RBMS3: variants seen among roughly 807,000 people sequenced by gnomAD.
RBMS3 encodes RNA binding motif single stranded interacting protein 3.
A neutral mutation model predicts 66.8 loss-of-function variants in RBMS3; 27 were observed. The ratio of observed to expected loss-of-function variants is 0.40; its 90% confidence interval spans 0.30 to 0.56. The LOEUF is 0.56. Among genes scored for constraint, RBMS3 ranks in the 20% least tolerant of loss-of-function variants. The pLI, the probability that RBMS3 is intolerant of heterozygous loss-of-function variation, is 0.40. For missense variants in RBMS3, 513 were observed against 549.5 expected, an observed-to-expected ratio of 0.93 and a Z score of 0.66; for synonymous variants, 188 against 183.0, an observed-to-expected ratio of 1.03 and a Z score of -0.22.
chr3:29,990,460 C>CAA (rs10596526), intron 13 of RBMS3, among the ~76,000 whole-genome samples: 105 of 106,496 alleles, frequency 9.9e-4, no homozygotes, highest in African/African-American at 2.1e-3. Context: ...CTGTGAGAAA[C>CAA]AAAAAAAAAA....
chr3:29,603,774 C>T (rs2048230083), intron 4 of RBMS3, among the ~76,000 whole-genome samples: 1 of 151,948 alleles, frequency 6.6e-6, no homozygotes, highest in African/African-American at 2.4e-5. Flanking sequence ...GTAATTATTA[C>T]CCATGGTAAA....
At chr3:29,865,066 G>C (rs1031670486) in intron 6 of RBMS3, among the ~76,000 whole-genome samples, 2 of 116,760 alleles carry the variant, frequency 1.7e-5, no homozygotes, top group Admixed American at 1.8e-4. Flanking sequence ...GGAAGGAAGA[G>C]AGAGACGAAG....
intron 5 of RBMS3, among the ~76,000 whole-genome samples, chr3:29,744,450 T>C (rs1011926568): frequency 1.3e-5 from 2 of 152,156 alleles, no homozygotes; most frequent in Non-Finnish European, 2.9e-5. Flanking sequence ...TCACAAATTG[T>C]TTCTTCCTCT....
At chr3:29,414,238 A>G (rs1279741438) in intron 1 of RBMS3, among the ~76,000 whole-genome samples, 3 of 152,214 alleles carry the variant, frequency 2.0e-5, no homozygotes, top group Non-Finnish European at 2.9e-5. Context: ...AATCAAATAA[A>G]GGGGAGCTAC....
intron 1 of RBMS3, among the ~76,000 whole-genome samples, chr3:29,349,862 A>G (rs936476366): frequency 1.3e-5 from 2 of 152,190 alleles, no homozygotes; most frequent in Admixed American, 6.6e-5. Context: ...TTTATTCATA[A>G]AAATATAGTT....
intron 4 of RBMS3, among the ~76,000 whole-genome samples, chr3:29,732,357 T>C (rs943233511): frequency 6.6e-6 from 1 of 152,216 alleles, no homozygotes; most frequent in African/African-American, 2.4e-5. Context: ...TTCATCTGAT[T>C]GGGTGAGGGC....
At chr3:29,680,151 A>G (rs2051427666) in intron 4 of RBMS3, among the ~76,000 whole-genome samples, 1 of 152,196 alleles carries the variant, frequency 6.6e-6, no homozygotes, top group African/African-American at 2.4e-5. Flanking sequence ...TGTCGATTTG[A>G]CAGAACAGTC....
chr3:29,751,565 G>T (rs2371814), intron 5 of RBMS3, among the ~76,000 whole-genome samples: 72,837 of 151,956 alleles, frequency 0.48, 18,209 homozygotes, highest in African/African-American at 0.62. Context: ...CCTCTACAAC[G>T]TGCTTAAAAT....
At chr3:29,521,879 GC>G (rs1474835982) in intron 3 of RBMS3, among the ~76,000 whole-genome samples, 1 of 152,172 alleles carries the variant, frequency 6.6e-6, no homozygotes, top group African/African-American at 2.4e-5. Flanking sequence ...TAAGGTTAAT[GC>G]AGCTGACCTT....
At chr3:29,691,837 G>A (rs1447967131) in intron 4 of RBMS3, among the ~76,000 whole-genome samples, 2 of 151,814 alleles carry the variant, frequency 1.3e-5, no homozygotes, top group South Asian at 2.1e-4. Flanking sequence ...ATAACAATGC[G>A]GATTTGCTCC....
chr3:29,518,810 T>A lies in RBMS3; in HGVS notation c.307+30311T>A, dbSNP rs77295357. 9.9e-5 allele frequency among the ~76,000 whole-genome samples: 15 copies of A among 152,276 alleles called. No individual in the cohort carries two copies. The East Asian group carries it at 2.9e-3, about 29-fold the overall frequency. The stretch of plus-strand genomic sequence containing the variant: ...ATTTTGTGTCTCAACTAGCAAAGTA[T>A]CCACTTCCCTTATAAAGAATTAATT... On this transcript the variant is annotated intron_variant, in intron 3 of 14. Coordinates refer to ENST00000383767, the MANE Select transcript of RBMS3 (RefSeq NM_001003793.3).
chr3:29,309,812 C>T (rs1575516515), intron 1 of RBMS3, among the ~76,000 whole-genome samples: 1 of 151,656 alleles, frequency 6.6e-6, no homozygotes, highest in African/African-American at 2.4e-5. Context: ...TGTTGATCTT[C>T]AGGAAAATAG....
intron 6 of RBMS3, among the ~76,000 whole-genome samples, chr3:29,809,528 A>ATT (rs772959466): frequency 2.5e-4 from 38 of 152,000 alleles, no homozygotes; most frequent in Non-Finnish European, 5.6e-4. Flanking sequence ...CTATGTCAAT[A>ATT]CTTCTGCCAA....
chr3:29,569,576 A>G (rs756471848), intron 3 of RBMS3, among the ~76,000 whole-genome samples: 5 of 152,122 alleles, frequency 3.3e-5, no homozygotes, highest in Non-Finnish European at 5.9e-5. Context: ...ATCCTTTGAG[A>G]TGGATCCAAC....
At chr3:29,565,223 G>C (rs908129814) in intron 3 of RBMS3, among the ~76,000 whole-genome samples, 2 of 152,166 alleles carry the variant, frequency 1.3e-5, no homozygotes, top group African/African-American at 4.8e-5. Flanking sequence ...TTGATAAGTG[G>C]TTGAAGGAGC....
rs114394813 is a variant in RBMS3, at chr3:29,495,089, A to T, written c.307+6590A>T. ...AAAGTTCTGAAATCATCCATGAAGG[A>T]TATTCATTCATTCATTCATTATTAA... is the stretch of plus-strand genomic sequence containing the variant. On this transcript the variant is annotated intron_variant, in intron 3 of 14. Transcript: ENST00000383767. Among the ~76,000 whole-genome samples, 539 of 147,810 alleles carry T rather than the reference A, an allele frequency of 3.6e-3. 9 individuals are homozygous for T. The highest frequency in any genetic ancestry group is 0.013 in the African/African-American group (518 of 41,254).
intron 10 of RBMS3, among the ~76,000 whole-genome samples, chr3:29,918,963 A>G (rs1422062880): frequency 2.0e-5 from 3 of 152,128 alleles, no homozygotes; most frequent in Non-Finnish European, 4.4e-5. Flanking sequence ...TGTAAAACTA[A>G]AAAGTTATAA....
At chr3:29,860,651 TGCCAGGA>T (rs2059189694) in intron 6 of RBMS3, among the ~76,000 whole-genome samples, 1 of 152,228 alleles carries the variant, frequency 6.6e-6, no homozygotes, top group Non-Finnish European at 1.5e-5. Context: ...GTGACCACTT[TGCCAGGA>T]GCAAAGTTTA....
intron 1 of RBMS3, among the ~76,000 whole-genome samples, chr3:29,295,274 TATATATATATATATATATATAC>T (rs1313380304): frequency 3.6e-4 from 8 of 22,166 alleles, no homozygotes; most frequent in African/African-American, 9.2e-4. Context: ...TGCAGAAAAT[TATATATATATATATATATATAC>T]ATATATATCT....
Sources: gnomAD v4.1 joint callset for allele counts (sites outside exome capture counted in the v4.1 genomes callset) on GRCh38, gnomAD v4.1.1 for gene constraint, MANE v1.5 for transcripts, NCBI Gene and HGNC (gene_info 2026-07-23, HGNC 2026-07-21) for gene names.